Variants in CFTR observed in about 807,000 individuals in gnomAD.
The protein encoded by CFTR is CF transmembrane conductance regulator.
A neutral mutation model predicts 171.6 loss-of-function variants in CFTR; 181 were observed. The ratio of observed to expected loss-of-function variants is 1.05; its 90% CI spans 0.93 to 1.19. The LOEUF (loss-of-function observed/expected upper bound fraction) is 1.19, where lower values mean the gene tolerates loss of function less well. CFTR is among the 50% of genes most tolerant of loss of function. CFTR has a pLI of 0.00. For missense variants in CFTR, 1,968 were observed against 1,734.7 expected, an observed-to-expected ratio of 1.13 and a Z score of -2.39; for synonymous variants, 583 against 608.0, an observed-to-expected ratio of 0.96 and a Z score of 0.60.
chr7:117,482,992 G>C (rs549271905), intron 1 of CFTR, among the ~76,000 whole-genome samples: 1 of 152,346 alleles, frequency 6.6e-6, no homozygotes, highest in African/African-American at 2.4e-5. Context: ...TCTGCAGTTA[G>C]TCTCAAGTAA....
At chr7:117,621,593 A>G (rs1272272727) in intron 21 of CFTR, among the ~76,000 whole-genome samples, 2 of 152,188 alleles carry the variant, frequency 1.3e-5, no homozygotes, top group Admixed American at 1.3e-4. Flanking sequence ...TCTCTACAAG[A>G]CATGTAAAGG....
chr7:117,662,641 T>C (rs1281438606), intron 24 of CFTR, among the ~76,000 whole-genome samples: 1 of 152,152 alleles, frequency 6.6e-6, no homozygotes, highest in African/African-American at 2.4e-5. Context: ...AATGATATGG[T>C]CAAACCTACA....
chr7:117,503,696 G>T (rs559154159), intron 1 of CFTR, among the ~76,000 whole-genome samples: 4 of 152,144 alleles, frequency 2.6e-5, no homozygotes, highest in African/African-American at 9.7e-5. Flanking sequence ...CTCAGGTAAT[G>T]ATTCAGACAT....
intron 9 of CFTR, among the ~76,000 whole-genome samples, chr7:117,545,056 A>G (rs1235556056): frequency 6.6e-6 from 1 of 152,220 alleles, no homozygotes; most frequent in Non-Finnish European, 1.5e-5. Flanking sequence ...GGCAATTTAC[A>G]GAAGAAAGGG....
chr7:117,489,129 G>A (rs1318459127), intron 1 of CFTR, among the ~76,000 whole-genome samples: 3 of 152,120 alleles, frequency 2.0e-5, no homozygotes, highest in African/African-American at 7.2e-5. Context: ...TAAAGTAGAA[G>A]TCGCCTAAGC....
At chr7:117,573,874 C>T (rs933525503) in intron 11 of CFTR, among the ~76,000 whole-genome samples, 6 of 151,978 alleles carry the variant, frequency 3.9e-5, no homozygotes, top group Admixed American at 3.9e-4. Flanking sequence ...ATCTTAATTC[C>T]AATGAATGAT....
intron 24 of CFTR, among the ~76,000 whole-genome samples, chr7:117,654,259 C>G (rs919324038): frequency 2.4e-4 from 36 of 152,184 alleles, no homozygotes; most frequent in Admixed American, 7.8e-4. Context: ...AATGTGGGCT[C>G]TATGTGGTGA....
intron 11 of CFTR, among the ~76,000 whole-genome samples, chr7:117,579,006 A>G (rs1791813408): frequency 6.6e-6 from 1 of 152,066 alleles, no homozygotes; most frequent in Non-Finnish European, 1.5e-5. Context: ...TGTTAGCTAT[A>G]TGATAAGATG....
intron 10 of CFTR, among the ~76,000 whole-genome samples, chr7:117,552,905 A>C (rs888361742): frequency 2.0e-5 from 3 of 152,168 alleles, no homozygotes; most frequent in African/African-American, 7.2e-5. Flanking sequence ...CTAATTCCCA[A>C]GGTGATGGTA....
chr7:117,548,713 CTCT>C lies in CFTR; in HGVS notation c.1288_1290del (p.Phe430del). 2 of 1,613,404 alleles carry C rather than the reference CTCT, an allele frequency of 1.2e-6. No homozygotes were observed. The highest frequency in any genetic ancestry group is 8.5e-7 in the Non-Finnish European group (1 of 1,179,612). On this transcript the variant is annotated inframe_deletion, in exon 10 of 27. Transcript: ENST00000003084. ...AAAAACTTCTAATGGTGATGACAGC[CTCT>C]TCTTCAGTAATTTCTCACTTCTTGG...
At chr7:117,644,932 A>T (rs1168081935) in intron 23 of CFTR, among the ~76,000 whole-genome samples, 2 of 152,318 alleles carry the variant, frequency 1.3e-5, no homozygotes, top group East Asian at 3.9e-4. Context: ...TTAGCCTTGA[A>T]TTGTGTTAAG....
chr7:117,544,844 C>G (rs1013715695), intron 9 of CFTR, among the ~76,000 whole-genome samples: 52 of 152,318 alleles, frequency 3.4e-4, no homozygotes, highest in African/African-American at 1.2e-3. Context: ...TATCACCAAT[C>G]TATTAAAACT....
At chr7:117,521,435 G>T (rs1468034674) in intron 3 of CFTR, among the ~76,000 whole-genome samples, 5 of 152,092 alleles carry the variant, frequency 3.3e-5, no homozygotes, top group African/African-American at 9.6e-5. Context: ...TTTTGAGGAA[G>T]AAATCCTTTT....
Position 117,627,711 on chromosome 7 carries a change from AC to A in CFTR, c.3659del (p.Thr1220LysfsTer8), listed in dbSNP as rs121908811. 2.5e-6 allele frequency: 4 copies of A among 1,613,240 alleles called. No individual in the cohort carries two copies. In the African/African-American group the frequency reaches 5.3e-5, roughly 22 times the overall value. On this transcript the variant is annotated frameshift_variant, in exon 22 of 27. Transcript: ENST00000003084. LOFTEE classifies it high-confidence loss of function. ...MTVKDLTAKY[T>X]EGGNAILENI... ...TGTCAAAGATCTCACAGCAAAATAC[AC>A]AGAAGGTGGAAATGCCATATTAGAG...
At chr7:117,610,994 A>G (rs1242205071) in intron 19 of CFTR, among the ~76,000 whole-genome samples, 2 of 152,156 alleles carry the variant, frequency 1.3e-5, no homozygotes, top group Non-Finnish European at 1.5e-5. Context: ...CTATTACTAA[A>G]GGTTTCTCTG....
intron 1 of CFTR, among the ~76,000 whole-genome samples, chr7:117,493,273 T>G (rs1284679537): frequency 6.6e-6 from 1 of 152,140 alleles, no homozygotes; most frequent in African/African-American, 2.4e-5. Context: ...AATGAATCAA[T>G]TATCTATTAC....
In CFTR at chr7:117,668,322, A is replaced by G. The variant is rs1296978419; in HGVS notation, c.*1214A>G. On this transcript the variant is annotated 3_prime_UTR_variant, in exon 27 of 27. Coordinates refer to ENST00000003084, the MANE Select transcript of CFTR (RefSeq NM_000492.4). ...ATTACATTTGTATAAAATAATTTTT[A>G]TATTTGAAATATTGACTTTTTATGG... 6.6e-6 allele frequency: 1 copy of G among 152,180 alleles called. No homozygotes were observed. The highest frequency in any genetic ancestry group is 1.5e-5 in the Non-Finnish European group (1 of 68,032). The allele number at this position is 152,180 out of a possible 1,614,324, so 9.4% of individuals were successfully genotyped here.
chr7:117,577,857 T>C (rs182201806), intron 11 of CFTR, among the ~76,000 whole-genome samples: 175 of 152,276 alleles, frequency 1.1e-3, no homozygotes, highest in African/African-American at 3.7e-3. Context: ...ATTCCATATC[T>C]TCCACATGTG....
intron 21 of CFTR, among the ~76,000 whole-genome samples, chr7:117,620,701 G>T (rs375191913): frequency 6.6e-6 from 1 of 152,120 alleles, no homozygotes; most frequent in Non-Finnish European, 1.5e-5. Context: ...AAAATTCACT[G>T]GTCTTTGTGC....
Sources: allele counts gnomAD v4.1 joint callset (sites outside exome capture counted in the v4.1 genomes callset), GRCh38; gene constraint gnomAD v4.1.1; transcripts MANE v1.5; gene names NCBI Gene and HGNC (gene_info 2026-07-23, HGNC 2026-07-21).